Variants in ZDHHC13 observed in about 807,000 individuals in gnomAD.
ZDHHC13 encodes the protein palmitoyltransferase ZDHHC13.
A neutral mutation model predicts 86.0 loss-of-function variants in ZDHHC13; 85 were observed. That is an observed-to-expected ratio of 0.99 (90% CI 0.83 to 1.18). The LOEUF is 1.18. Among genes scored for constraint, ZDHHC13 ranks in the 50% most tolerant of loss-of-function variants. ZDHHC13 has a pLI of 0.00. For synonymous variants in ZDHHC13, 263 were observed against 246.4 expected (o/e 1.07, Z -0.63); for missense variants, 711 against 730.2 (o/e 0.97, Z 0.30).
chr11:19,168,907 T>C, intron 14 of ZDHHC13: 7 of 984,962 alleles, frequency 7.1e-6, no homozygotes, highest in Non-Finnish European at 8.4e-6. Context: ...TAGATTACCA[T>C]CAGGAAGAAC....
intron 1 of ZDHHC13, among the ~76,000 whole-genome samples, chr11:19,140,942 G>A (rs1361924146): frequency 2.0e-5 from 3 of 150,704 alleles, no homozygotes; most frequent in African/African-American, 4.9e-5. Context: ...GGGAGGGATA[G>A]CATTGGGAGA....
chr11:19,155,975 T>G (rs1849747684), intron 9 of ZDHHC13, 46 bp downstream of exon 9: 1 of 1,545,194 alleles, frequency 6.5e-7, no homozygotes. Context: ...GTTTCTGATT[T>G]TATTTCTTAT....
chr11:19,139,325 G>A (rs1471827736), intron 1 of ZDHHC13, among the ~76,000 whole-genome samples: 1 of 152,022 alleles, frequency 6.6e-6, no homozygotes, highest in Non-Finnish European at 1.5e-5. Flanking sequence ...TTGCTTCAAA[G>A]AGAAGAAAAT....
intron 9 of ZDHHC13, among the ~76,000 whole-genome samples, chr11:19,158,216 GT>G (rs1191233727): frequency 6.6e-6 from 1 of 151,850 alleles, no homozygotes; most frequent in African/African-American, 2.4e-5. Context: ...GTTAATCATT[GT>G]TTTTTCCTGG....
intron 9 of ZDHHC13, among the ~76,000 whole-genome samples, chr11:19,157,118 G>A (rs12223951): frequency 0.022 from 3,407 of 152,270 alleles, 102 homozygotes; most frequent in East Asian, 0.13. Context: ...TGTCATTCAG[G>A]CCTCAGTTCA....
intron 1 of ZDHHC13, among the ~76,000 whole-genome samples, chr11:19,135,422 A>G (rs1459063088): frequency 2.6e-5 from 4 of 152,222 alleles, no homozygotes; most frequent in East Asian, 1.9e-4. Flanking sequence ...GGAGGGGCCT[A>G]CGCCCATGGA....
intron 9 of ZDHHC13, among the ~76,000 whole-genome samples, chr11:19,158,087 A>G (rs1239303873): frequency 6.6e-6 from 1 of 152,130 alleles, no homozygotes; most frequent in Non-Finnish European, 1.5e-5. Context: ...CATTTGGCCT[A>G]TTTTGGCAGC....
chr11:19,133,647 G>A lies in ZDHHC13; in HGVS notation c.28-9331G>A, dbSNP rs79466562. Among the ~76,000 whole-genome samples the A allele has an allele frequency of 6.8e-3, 1,036 of 151,974 alleles. 9 individuals carry two copies. The highest frequency in any genetic ancestry group is 0.024 in the African/African-American group (976 of 41,478). ...AAGCAAAACAAATGATAGAGAATAC[G>A]TATGATAGATTCCATTTGTACAAAA... On this transcript the variant is annotated intron_variant, in intron 1 of 16. Transcript: ENST00000446113.
At chr11:19,122,138 G>A (rs1342307175) in intron 1 of ZDHHC13, among the ~76,000 whole-genome samples, 1 of 152,134 alleles carries the variant, frequency 6.6e-6, no homozygotes, top group East Asian at 1.9e-4. Context: ...ATAGGAGCTG[G>A]CGGCCAATTT....
At chr11:19,130,438 T>G (rs1206770659) in intron 1 of ZDHHC13, among the ~76,000 whole-genome samples, 2 of 152,320 alleles carry the variant, frequency 1.3e-5, no homozygotes, top group East Asian at 3.9e-4. Flanking sequence ...TGATACTTTT[T>G]CATTTTTCTT....
chr11:19,171,677 T>A (rs995473456), intron 15 of ZDHHC13, among the ~76,000 whole-genome samples: 3 of 152,224 alleles, frequency 2.0e-5, no homozygotes, highest in African/African-American at 7.2e-5. Context: ...GAGACATTGT[T>A]TCTAATTATC....
At chr11:19,157,921 A>G (rs1473334253) in intron 9 of ZDHHC13, among the ~76,000 whole-genome samples, 2 of 152,204 alleles carry the variant, frequency 1.3e-5, no homozygotes, top group Non-Finnish European at 2.9e-5. Flanking sequence ...GCAGTTGCTT[A>G]TTGATCTGGG....
chr11:19,167,417 G>C (rs966204889), intron 14 of ZDHHC13: 2 of 151,988 alleles, frequency 1.3e-5, no homozygotes, highest in African/African-American at 4.8e-5. Context: ...TAAAATTTTT[G>C]TTAGTTTTCG....
At chr11:19,141,429 A>G (rs1418551942) in intron 1 of ZDHHC13, among the ~76,000 whole-genome samples, 1 of 152,182 alleles carries the variant, frequency 6.6e-6, no homozygotes, top group African/African-American at 2.4e-5. Context: ...GTCTTTGTTT[A>G]GGGGTATTAA....
At chr11:19,124,620 T>G (rs1201969797) in intron 1 of ZDHHC13, among the ~76,000 whole-genome samples, 2 of 152,190 alleles carry the variant, frequency 1.3e-5, no homozygotes, top group African/African-American at 4.8e-5. Flanking sequence ...AGTTCAACTC[T>G]TTTCCTCAAC....
At chr11:19,173,673 G>T (rs748203588) in intron 16 of ZDHHC13, among the ~76,000 whole-genome samples, 3 of 152,208 alleles carry the variant, frequency 2.0e-5, no homozygotes, top group Non-Finnish European at 4.4e-5. Context: ...ATGGCGAGTG[G>T]AAAGGAGCGT....
rs754373317 is a variant in ZDHHC13 at position 19,166,347 on chromosome 11, C to A, written c.1436C>A (p.Ser479Tyr). The stretch of plus-strand genomic sequence containing the variant: ...TACATATTCTTCTTGTTTTTCCTTT[C>A]CATGGTATGTGGCTGGATTATATAT... ...HYYIFFLFFLSMVCGWIIYGS... is the reference protein window; with the variant it reads ...HYYIFFLFFLYMVCGWIIYGS... Residue 479 changes from serine (S) to tyrosine (Y), a missense_variant, in exon 14 of 17, where the codon TCC becomes TAC. Coordinates refer to ENST00000446113, the MANE Select transcript of ZDHHC13 (RefSeq NM_019028.3). 6.2e-7 allele frequency: 1 copy of A among 1,612,276 alleles called. No individual in the cohort carries two copies.
chr11:19,155,476 G>A (rs1468422195), intron 8 of ZDHHC13, among the ~76,000 whole-genome samples: 1 of 151,284 alleles, frequency 6.6e-6, no homozygotes, highest in Admixed American at 6.6e-5. Flanking sequence ...AGCTACTTGG[G>A]AGGCTGAGCC....
At chr11:19,163,274 T>A (rs759956172) in intron 10 of ZDHHC13, 29 bp from the exon 11 acceptor site, 22 of 1,554,752 alleles carry the variant, frequency 1.4e-5, no homozygotes, top group Non-Finnish European at 1.9e-5. Context: ...TTAAAGGAAG[T>A]TTGGTGTATT....
Sources: allele counts gnomAD v4.1 joint callset (sites outside exome capture counted in the v4.1 genomes callset), GRCh38; gene constraint gnomAD v4.1.1; transcripts MANE v1.5; gene names NCBI Gene and HGNC (gene_info 2026-07-23, HGNC 2026-07-21).